Variants in MARCHF4 observed in about 807,000 individuals in gnomAD.
MARCHF4 encodes E3 ubiquitin-protein ligase MARCHF4.
In MARCHF4, 14 loss-of-function variants were observed where a neutral mutation model predicts 43.9. The observed-to-expected ratio is 0.32, with a 90% CI of 0.21 to 0.50. MARCHF4 has a LOEUF of 0.50. MARCHF4 is among the 20% of genes least tolerant of loss of function. The pLI is 0.98. For synonymous variants in MARCHF4, 226 were observed against 213.3 expected (o/e 1.06, Z -0.52); for missense variants, 468 against 536.7 (o/e 0.87, Z 1.27).
chr2:216,279,145 C>T (rs925406103), intron 2 of MARCHF4, among the ~76,000 whole-genome samples: 5 of 152,090 alleles, frequency 3.3e-5, no homozygotes, highest in African/African-American at 7.2e-5. Context: ...TAGGGGGATT[C>T]GACTTCCCAG....
intron 1 of MARCHF4, among the ~76,000 whole-genome samples, chr2:216,290,075 C>A (rs1691284842): frequency 6.6e-6 from 1 of 152,114 alleles, no homozygotes; most frequent in African/African-American, 2.4e-5. Flanking sequence ...GACTAAAATT[C>A]TCTAGTCAAG....
intron 1 of MARCHF4, among the ~76,000 whole-genome samples, chr2:216,295,326 T>A (rs1028990492): frequency 3.9e-5 from 6 of 152,190 alleles, no homozygotes; most frequent in African/African-American, 1.4e-4. Flanking sequence ...AGTGGCGTGA[T>A]CTCAACTTAC....
At chr2:216,353,888 C>T (rs750185696) in intron 1 of MARCHF4, among the ~76,000 whole-genome samples, 1 of 152,156 alleles carries the variant, frequency 6.6e-6, no homozygotes, top group Non-Finnish European at 1.5e-5. Context: ...ACAATGCCTA[C>T]TCTTCCCTCC....
chr2:216,327,555 T>C (rs1692015349), intron 1 of MARCHF4, among the ~76,000 whole-genome samples: 1 of 152,212 alleles, frequency 6.6e-6, no homozygotes, highest in Admixed American at 6.5e-5. Context: ...GGAAAGCTTT[T>C]CTGCAACCTC....
chr2:216,368,151 G>A (rs1692695773), intron 1 of MARCHF4, among the ~76,000 whole-genome samples: 1 of 152,110 alleles, frequency 6.6e-6, no homozygotes, highest in Non-Finnish European at 1.5e-5. Context: ...CCATATGGGA[G>A]AAAAAAGAAA....
At chr2:216,327,333 C>T (rs1193931483) in intron 1 of MARCHF4, among the ~76,000 whole-genome samples, 1 of 151,890 alleles carries the variant, frequency 6.6e-6, no homozygotes, top group Non-Finnish European at 1.5e-5. Context: ...ATAATCTATC[C>T]ATGAAAAATC....
At chr2:216,353,563 T>C (rs765473698) in intron 1 of MARCHF4, among the ~76,000 whole-genome samples, 40 of 152,192 alleles carry the variant, frequency 2.6e-4, no homozygotes, top group Non-Finnish European at 5.1e-4. Flanking sequence ...CTTCTTTTTT[T>C]CTGCGATGGA....
At chr2:216,369,370 G>A (rs773955000) in intron 1 of MARCHF4, among the ~76,000 whole-genome samples, 6 of 152,218 alleles carry the variant, frequency 3.9e-5, no homozygotes, top group Non-Finnish European at 7.3e-5. Context: ...TGGGCTAGAC[G>A]AAATGTTACT....
At chr2:216,328,606 T>G (rs1393906739) in intron 1 of MARCHF4, among the ~76,000 whole-genome samples, 1 of 152,174 alleles carries the variant, frequency 6.6e-6, no homozygotes, top group Admixed American at 6.5e-5. Context: ...CACCCAGAGT[T>G]TACTAGTTGT....
At chr2:216,266,446 C>G (rs1690846847) in intron 3 of MARCHF4, among the ~76,000 whole-genome samples, 1 of 152,162 alleles carries the variant, frequency 6.6e-6, no homozygotes, top group Non-Finnish European at 1.5e-5. Flanking sequence ...CAACCTTGTC[C>G]CCAACACAAG....
At chr2:216,338,900 T>C (rs770692641) in intron 1 of MARCHF4, among the ~76,000 whole-genome samples, 6 of 152,156 alleles carry the variant, frequency 3.9e-5, no homozygotes, top group Non-Finnish European at 4.4e-5. Context: ...GTGCTCTTAT[T>C]ATCTCCCATT....
At chr2:216,367,982 T>C (rs1692692588) in intron 1 of MARCHF4, among the ~76,000 whole-genome samples, 1 of 152,086 alleles carries the variant, frequency 6.6e-6, no homozygotes, top group Non-Finnish European at 1.5e-5. Context: ...TCACGTAAGT[T>C]GGAAAAGCAG....
At chr2:216,366,789 T>C (rs995512507) in intron 1 of MARCHF4, among the ~76,000 whole-genome samples, 3 of 152,214 alleles carry the variant, frequency 2.0e-5, no homozygotes, top group Admixed American at 1.3e-4. Flanking sequence ...TAAATCACCT[T>C]ATTTACTTAC....
Position 216,294,769 on chromosome 2 carries a change from C to A in MARCHF4, c.517-11040G>T, listed in dbSNP as rs552403934. 5.9e-5 allele frequency among the ~76,000 whole-genome samples: 9 copies of A among 152,334 alleles called. 1 individual carries two copies. In the South Asian group the frequency reaches 1.9e-3, roughly 32 times the overall value. On this transcript the variant is annotated intron_variant, in intron 1 of 3. Coordinates refer to ENST00000273067, the MANE Select transcript of MARCHF4 (RefSeq NM_020814.3). Reference sequence around the variant, plus strand: ...TTTGTGAAGCGCTGGACCAGATACTCTTCAGCAAACCTTGTCTCCTACATT... The same window carrying A: ...TTTGTGAAGCGCTGGACCAGATACTATTCAGCAAACCTTGTCTCCTACATT...
intron 1 of MARCHF4, among the ~76,000 whole-genome samples, chr2:216,289,427 C>T (rs1691273046): frequency 6.6e-6 from 1 of 152,182 alleles, no homozygotes; most frequent in Admixed American, 6.5e-5. Context: ...TCGTTTTTCT[C>T]TTGTTTATCT....
intron 1 of MARCHF4, among the ~76,000 whole-genome samples, chr2:216,318,713 CA>C (rs1338306927): frequency 6.6e-6 from 1 of 152,068 alleles, no homozygotes; most frequent in African/African-American, 2.4e-5. Context: ...AGAGAGGTGC[CA>C]GGGGCTCCAC....
At chr2:216,320,675 C>CTTTCTTTCT (rs747734983) in intron 1 of MARCHF4, among the ~76,000 whole-genome samples, 25 of 33,094 alleles carry the variant, frequency 7.6e-4, no homozygotes, top group African/African-American at 1.6e-3. Flanking sequence ...TTCTTTCTTT[C>CTTTCTTTCT]TTTTTTTTTT....
intron 3 of MARCHF4, among the ~76,000 whole-genome samples, chr2:216,273,294 G>A (rs544878749): frequency 3.3e-5 from 5 of 152,232 alleles, no homozygotes; most frequent in South Asian, 4.2e-4. Flanking sequence ...ACAGTCTTAG[G>A]GAATAAACAA....
chr2:216,292,773 G>A (rs1691328049), intron 1 of MARCHF4, among the ~76,000 whole-genome samples: 1 of 152,122 alleles, frequency 6.6e-6, no homozygotes, highest in Non-Finnish European at 1.5e-5. Context: ...CACCAATGGG[G>A]CCAGCGAATA....
Sources: allele counts gnomAD v4.1 joint callset (sites outside exome capture counted in the v4.1 genomes callset), GRCh38; gene constraint gnomAD v4.1.1; transcripts MANE v1.5; gene names NCBI Gene and HGNC (gene_info 2026-07-23, HGNC 2026-07-21).